Variants in PXDNL observed in about 807,000 individuals in gnomAD.
PXDNL encodes the protein peroxidasin like.
Under a neutral mutation model 150.8 loss-of-function variants are expected in PXDNL, and 145 were observed. That is an observed-to-expected ratio of 0.96 (90% CI 0.84 to 1.10). The LOEUF (loss-of-function observed/expected upper bound fraction) is 1.10, where lower values mean the gene tolerates loss of function less well. Among genes scored for constraint, PXDNL ranks in the 50% least tolerant of loss-of-function variants. The probability of loss-of-function intolerance (pLI) is 0.00; values close to 1 mark genes in which losing one functional copy is unlikely to be tolerated. For synonymous variants in PXDNL, 757 were observed against 725.7 expected (o/e 1.04, Z -0.69); for missense variants, 2,087 against 1,873.9 (o/e 1.11, Z -2.10).
At chr8:51,409,786 A>G (rs1017660057) in intron 16 of PXDNL, among the ~76,000 whole-genome samples, 2 of 152,194 alleles carry the variant, frequency 1.3e-5, no homozygotes, top group Non-Finnish European at 2.9e-5. Flanking sequence ...TTGAGCGTTC[A>G]TCCTGTAAAC....
intron 9 of PXDNL, among the ~76,000 whole-genome samples, chr8:51,455,103 G>A (rs1233450429): frequency 5.0e-5 from 1 of 19,998 alleles, no homozygotes; most frequent in Non-Finnish European, 2.9e-4. Context: ...GCGACAGAGC[G>A]AGACTCCGTC....
intron 8 of PXDNL, among the ~76,000 whole-genome samples, chr8:51,462,451 C>G (rs1434204268): frequency 6.6e-6 from 1 of 152,048 alleles, no homozygotes; most frequent in East Asian, 1.9e-4. Context: ...TAAGAAAGAA[C>G]CAAATTGAAC....
chr8:51,551,281 T>G (rs1392202016), intron 4 of PXDNL, among the ~76,000 whole-genome samples: 1 of 152,074 alleles, frequency 6.6e-6, no homozygotes, highest in African/African-American at 2.4e-5. Context: ...TCAATACAAT[T>G]TCCACCAAAA....
intron 1 of PXDNL, among the ~76,000 whole-genome samples, chr8:51,691,351 G>T (rs1275999567): frequency 6.6e-6 from 1 of 152,118 alleles, no homozygotes; most frequent in African/African-American, 2.4e-5. Context: ...TTTGTATAAG[G>T]TGTAAGGAAG....
At chr8:51,591,785 A>AT (rs1813449832) in intron 3 of PXDNL, among the ~76,000 whole-genome samples, 1 of 151,854 alleles carries the variant, frequency 6.6e-6, no homozygotes, top group South Asian at 2.1e-4. Context: ...TGCCTGGCTA[A>AT]TTTTTTTGTA....
chr8:51,390,168 A>C (rs1302494620), intron 17 of PXDNL, among the ~76,000 whole-genome samples: 1 of 152,332 alleles, frequency 6.6e-6, no homozygotes, highest in South Asian at 2.1e-4. Flanking sequence ...TGCAAAGAAC[A>C]TCTGGCATTA....
At chr8:51,738,228 A>T (rs1226376264) in intron 1 of PXDNL, among the ~76,000 whole-genome samples, 1 of 152,188 alleles carries the variant, frequency 6.6e-6, no homozygotes, top group Non-Finnish European at 1.5e-5. Flanking sequence ...TATTGTTTTC[A>T]GGGTTTTGTT....
intron 2 of PXDNL, among the ~76,000 whole-genome samples, chr8:51,628,753 C>A (rs2130750355): frequency 6.6e-6 from 1 of 152,084 alleles, no homozygotes; most frequent in Admixed American, 6.6e-5. Context: ...TTAGGGAAAT[C>A]TCTACCAAAA....
At chr8:51,683,827 G>A (rs578242209) in intron 1 of PXDNL, among the ~76,000 whole-genome samples, 5 of 152,270 alleles carry the variant, frequency 3.3e-5, no homozygotes, top group African/African-American at 9.6e-5. Flanking sequence ...AACAGCTCCA[G>A]TGTAGCAAGG....
At chr8:51,724,287 G>C (rs1486187163) in intron 1 of PXDNL, among the ~76,000 whole-genome samples, 1 of 152,148 alleles carries the variant, frequency 6.6e-6, no homozygotes, top group Non-Finnish European at 1.5e-5. Context: ...CTAGAGGACA[G>C]GCCTATAAGG....
At chr8:51,415,503 T>A (rs897119162) in intron 14 of PXDNL, among the ~76,000 whole-genome samples, 4 of 152,106 alleles carry the variant, frequency 2.6e-5, no homozygotes, top group Non-Finnish European at 2.9e-5. Flanking sequence ...TCACTCATTA[T>A]CACAAGAACA....
chr8:51,439,302 G>A (rs1419715683), intron 12 of PXDNL, among the ~76,000 whole-genome samples: 1 of 151,610 alleles, frequency 6.6e-6, no homozygotes, highest in African/African-American at 2.4e-5. Flanking sequence ...ATATACAAAG[G>A]GCCAACAAAC....
intron 4 of PXDNL, among the ~76,000 whole-genome samples, chr8:51,500,072 A>G (rs1409566843): frequency 6.6e-6 from 1 of 152,202 alleles, no homozygotes; most frequent in African/African-American, 2.4e-5. Flanking sequence ...TTACTCTTTT[A>G]TTCATTAAAA....
chr8:51,657,256 T>A (rs1815170651), intron 1 of PXDNL, among the ~76,000 whole-genome samples: 1 of 152,222 alleles, frequency 6.6e-6, no homozygotes, highest in African/African-American at 2.4e-5. Context: ...TCAAAAATCA[T>A]AAGTTGCACC....
intron 3 of PXDNL, among the ~76,000 whole-genome samples, chr8:51,580,196 A>T (rs56934910): frequency 0.051 from 7,814 of 152,104 alleles, 472 homozygotes; most frequent in African/African-American, 0.15. Flanking sequence ...AAAGAGCAAC[A>T]TGAGGGACCT....
intron 4 of PXDNL, among the ~76,000 whole-genome samples, chr8:51,525,988 G>A (rs1199103624): frequency 6.6e-6 from 1 of 152,182 alleles, no homozygotes; most frequent in African/African-American, 2.4e-5. Context: ...TCTTGTTAGG[G>A]GGAAATGCTG....
At chr8:51,455,239 T>TTTTTA (rs1809914221) in intron 9 of PXDNL, among the ~76,000 whole-genome samples, 1 of 151,576 alleles carries the variant, frequency 6.6e-6, no homozygotes, top group African/African-American at 2.4e-5. Context: ...GATGCATGCA[T>TTTTTA]GGAACTAAAT....
At chr8:51,486,794 ATTTTTTTTT>A (rs1195750381) in intron 5 of PXDNL, among the ~76,000 whole-genome samples, 26 of 24,650 alleles carry the variant, frequency 1.1e-3, no homozygotes, top group East Asian at 2.6e-3. Context: ...ATATATATAT[ATTTTTTTTT>A]TTTTTTTTTT....
At chr8:51,628,711 C>CT (rs1313396588) in intron 2 of PXDNL, among the ~76,000 whole-genome samples, 5 of 151,714 alleles carry the variant, frequency 3.3e-5, no homozygotes, top group Non-Finnish European at 7.4e-5. Flanking sequence ...CCTCTGTTTT[C>CT]TTGTTTTTAT....
Sources: allele counts gnomAD v4.1 joint callset (sites outside exome capture counted in the v4.1 genomes callset), GRCh38; gene constraint gnomAD v4.1.1; transcripts MANE v1.5; gene names NCBI Gene and HGNC (gene_info 2026-07-23, HGNC 2026-07-21).